The following CP variants were observed in gnomAD, a reference collection of about 807,000 sequenced individuals.
CP encodes the protein ceruloplasmin.
A neutral mutation model predicts 122.4 loss-of-function variants in CP; 64 were observed. The ratio of observed to expected loss-of-function variants is 0.52; its 90% confidence interval spans 0.43 to 0.64. The LOEUF is 0.64. CP is among the 30% of genes least tolerant of loss of function. CP has a pLI of 0.00. For synonymous variants in CP, 440 were observed against 436.4 expected (o/e 1.01, Z -0.10); for missense variants, 1,167 against 1,284.4 (o/e 0.91, Z 1.40).
Position 149,185,448 on chromosome 3 carries a change from T to C in CP, c.2078-2A>G. 1.2e-6 allele frequency: 2 copies of C among 1,614,110 alleles called. No homozygotes were observed. The highest frequency in any genetic ancestry group is 1.7e-6 in the Non-Finnish European group (2 of 1,179,952). On this transcript the variant is annotated splice_acceptor_variant, in intron 11 of 18. Coordinates refer to ENST00000264613, the MANE Select transcript of CP (RefSeq NM_000096.4). LOFTEE classifies it high-confidence loss of function. ...TAAGGCATTCAACATTAAAAGTCCC[T>C]GGAGTGGTAAATAAGAAAACATGTC...
rs281865095 is a variant in CP, at chr3:149,163,950, G to C, written c.*14-1075C>G. 14 of 1,409,456 alleles carry C rather than the reference G, an allele frequency of 9.9e-6. No homozygotes were observed. The highest frequency in any genetic ancestry group is 1.4e-5 in the Non-Finnish European group (14 of 993,978). 87.3% of individuals were successfully genotyped at this position (1,409,456 alleles called of 1,614,324 possible). On this transcript the variant is annotated intron_variant, in intron 5 of 5. Transcript: ENST00000479771. ...TACAGAAGATCTTTCAAAATTACAG[G>C]TAAGTAAAAATACCTCCTTTTCTTA...
chr3:149,178,705 A>T (rs1725581888), intron 15 of CP, 74 bp from the exon 16 acceptor site: 1 of 1,090,154 alleles, frequency 9.2e-7, no homozygotes, highest in African/African-American at 1.6e-5. Flanking sequence ...CTTTGCACCC[A>T]GGGCCTCAGG....
At chr3:149,221,173 C>T (rs757751125) in intron 1 of CP, among the ~76,000 whole-genome samples, 43 of 152,150 alleles carry the variant, frequency 2.8e-4, no homozygotes, top group Non-Finnish European at 5.7e-4. Context: ...AAAGATTAAC[C>T]TACTTAACTG....
chr3:149,185,190 G>C, intron 12 of CP, 49 bp downstream of exon 12: 1 of 1,594,082 alleles, frequency 6.3e-7, no homozygotes, highest in Admixed American at 1.7e-5. Context: ...CTCTGAAAAG[G>C]AAACCTAAAA....
At chr3:149,217,391 A>G (rs1363915450) in intron 1 of CP, among the ~76,000 whole-genome samples, 2 of 152,170 alleles carry the variant, frequency 1.3e-5, no homozygotes, top group Admixed American at 6.5e-5. Flanking sequence ...GTTCCTACGT[A>G]AGCAAACCAA....
chr3:149,221,667 C>G lies in CP; in HGVS notation c.126G>C (p.Lys42Asn), dbSNP rs1388706320. The change falls in exon 1 of 19, where the codon AAG (lysine) becomes AAC (asparagine). Residue 42 changes from lysine to asparagine, a missense_variant. By Grantham distance (94) the Lys-to-Asn change is moderately conservative. Transcript: ENST00000264613. ...TWDYASDHGEKKLISVDTEHS... is the reference protein window; with the variant it reads ...TWDYASDHGENKLISVDTEHS... Reference sequence around the variant, plus strand: ...CTTACGTGTCAACAGAAATAAGTTTCTTTTCCCCATGGTCAGAGGCATAAT... The same window carrying G: ...CTTACGTGTCAACAGAAATAAGTTTGTTTTCCCCATGGTCAGAGGCATAAT... 1 of 1,611,736 alleles carries G rather than the reference C, an allele frequency of 6.2e-7. No homozygotes were observed. The highest frequency in any genetic ancestry group is 8.5e-7 in the Non-Finnish European group (1 of 1,179,402).
intron 9 of CP, among the ~76,000 whole-genome samples, chr3:149,189,114 T>C (rs1364688860): frequency 6.6e-6 from 1 of 152,100 alleles, no homozygotes. Flanking sequence ...GGCACAATCA[T>C]AAGAAATACT....
Position 149,167,069 on chromosome 3 carries a change from C to T in CP, c.587-1019G>A, listed in dbSNP as rs200121725. On this transcript the variant is annotated intron_variant, in intron 4 of 5. Transcript: ENST00000479771. ...GTGGTCCTTCATTTGACATAGCTTC[C>T]ATTATTCCGTTCTTGGAGCCACTTT... 52 of 1,613,662 alleles carry T rather than the reference C, an allele frequency of 3.2e-5. No homozygotes were observed. Among genetic ancestry groups the T allele is most frequent in the Admixed American group, 1.7e-4 (10 of 60,018 alleles).
chr3:149,205,942 A>T (rs995959763), intron 6 of CP, among the ~76,000 whole-genome samples: 2 of 152,168 alleles, frequency 1.3e-5, no homozygotes, highest in African/African-American at 4.8e-5. Flanking sequence ...TTTTCTTAGG[A>T]CTTTGTCAAG....
chr3:149,195,776 G>T (rs1362650543), intron 9 of CP, among the ~76,000 whole-genome samples: 2 of 151,394 alleles, frequency 1.3e-5, no homozygotes, highest in African/African-American at 4.9e-5. Context: ...TGAGGCAGAA[G>T]AATGGTGTGA....
chr3:149,201,672 C>T (rs1392069023), intron 7 of CP, among the ~76,000 whole-genome samples: 2 of 151,886 alleles, frequency 1.3e-5, no homozygotes, highest in African/African-American at 2.4e-5. Flanking sequence ...CTCACTGCAA[C>T]CTCCGCCTCC....
intron 9 of CP, among the ~76,000 whole-genome samples, chr3:149,198,035 A>G (rs1047609831): frequency 6.6e-6 from 1 of 152,236 alleles, no homozygotes; most frequent in Non-Finnish European, 1.5e-5. Flanking sequence ...GACTCTTGCA[A>G]CAGAAAAATT....
chr3:149,211,162 C>G lies in CP; in HGVS notation c.395-783G>C, dbSNP rs919890357. ...AAAACAAAAAAAGTCAACACATTCACTTTCTAAACCAATATCTCTTTTAAT... is the reference window on the plus strand; with the variant it reads ...AAAACAAAAAAAGTCAACACATTCAGTTTCTAAACCAATATCTCTTTTAAT... On this transcript the variant is annotated intron_variant, in intron 2 of 18. Coordinates refer to ENST00000264613, the MANE Select transcript of CP (RefSeq NM_000096.4). Among the ~76,000 whole-genome samples the G allele has an allele frequency of 4.6e-5, 7 of 152,180 alleles. No homozygotes were observed. The South Asian group carries it at 1.5e-3, about 32-fold the overall frequency.
chr3:149,178,341 TC>T, intron 16 of CP, 73 bp downstream of exon 16: 1 of 1,165,212 alleles, frequency 8.6e-7, no homozygotes. Context: ...AAATGAATGG[TC>T]TCCAAAATAA....
Position 149,185,400 on chromosome 3 carries a change from G to A in CP, c.2124C>T (p.Gly708=). Residue 708 remains glycine, a synonymous_variant, in exon 12 of 19, where the codon GGC becomes GGT. Transcript: ENST00000264613. The part of the protein sequence containing the change: ...ECLTTDHYTG[G]MKQKYTVNQC... Reference sequence around the variant, plus strand: ...GGTTCACAGTATATTTTTGCTTCATGCCGCCTGTGTAATGATCAGTTGTAA... The same window carrying A: ...GGTTCACAGTATATTTTTGCTTCATACCGCCTGTGTAATGATCAGTTGTAA... 1 of 1,614,060 alleles carries A rather than the reference G, an allele frequency of 6.2e-7. No individual in the cohort carries two copies. The highest frequency in any genetic ancestry group is 8.5e-7 in the Non-Finnish European group (1 of 1,179,994).
At chr3:149,166,183 A>G in intron 4 of CP, 3 of 350,724 alleles carry the variant, frequency 8.6e-6, no homozygotes, top group Non-Finnish European at 1.7e-5. Context: ...TGCTTGAAGT[A>G]AATATTGGTA....
intron 8 of CP, 83 bp from the exon 9 acceptor site, chr3:149,198,661 A>C: frequency 8.8e-7 from 1 of 1,130,214 alleles, no homozygotes; most frequent in South Asian, 1.3e-5. Context: ...AGTTTAGTCT[A>C]GAATAGCCCA....
chr3:149,200,461 T>C (rs1175665185), intron 7 of CP, among the ~76,000 whole-genome samples: 2 of 152,162 alleles, frequency 1.3e-5, no homozygotes, highest in African/African-American at 2.4e-5. Flanking sequence ...ATTGTTCCCA[T>C]TTTACAGAAG....
intron 17 of CP, 178 bp downstream of exon 17, chr3:149,177,661 AT>A: frequency 1.4e-6 from 1 of 706,368 alleles, no homozygotes; most frequent in Non-Finnish European, 2.4e-6. Context: ...TAGTGGAATT[AT>A]TTTTTCCTGA....
Sources: gnomAD v4.1 joint callset for allele counts (sites outside exome capture counted in the v4.1 genomes callset) on GRCh38, gnomAD v4.1.1 for gene constraint, MANE v1.5 for transcripts, NCBI Gene and HGNC (gene_info 2026-07-23, HGNC 2026-07-21) for gene names.